ESR1: variants seen among roughly 807,000 people sequenced by gnomAD.
ESR1 encodes the protein estrogen receptor.
In ESR1, 12 loss-of-function variants were observed where a neutral mutation model predicts 52.7. The observed-to-expected ratio is 0.23, with a 90% CI of 0.15 to 0.37. The LOEUF (loss-of-function observed/expected upper bound fraction) is 0.37, where lower values mean the gene tolerates loss of function less well. Ranked by LOEUF, ESR1 falls within the 10% of genes least tolerant of loss-of-function variation. The pLI is 1.00. For synonymous variants in ESR1, 305 were observed against 316.8 expected, an observed-to-expected ratio of 0.96 and a Z score of 0.39; for missense variants, 584 against 779.7, an observed-to-expected ratio of 0.75 and a Z score of 2.99.
At chr6:151,729,020 C>A (rs1259111704) in intron 2 of ESR1, among the ~76,000 whole-genome samples, 1 of 152,208 alleles carries the variant, frequency 6.6e-6, no homozygotes. Flanking sequence ...CCACTGTGCT[C>A]TCCTTTTGGT....
chr6:151,893,877 G>C (rs1310813990), intron 3 of ESR1, among the ~76,000 whole-genome samples: 1 of 152,202 alleles, frequency 6.6e-6, no homozygotes, highest in Non-Finnish European at 1.5e-5. Flanking sequence ...CTTAAGCAGA[G>C]AAGTGACTTT....
chr6:151,731,282 G>A (rs1048402068), intron 2 of ESR1, among the ~76,000 whole-genome samples: 2 of 152,076 alleles, frequency 1.3e-5, no homozygotes, highest in Non-Finnish European at 2.9e-5. Context: ...CTTGAACTCC[G>A]GAGGTGGAGG....
intron 1 of ESR1, among the ~76,000 whole-genome samples, chr6:151,678,732 G>A (rs1379344690): frequency 6.6e-6 from 1 of 151,442 alleles, no homozygotes; most frequent in African/African-American, 2.4e-5. Flanking sequence ...CGTTGCCTGG[G>A]CTGGAGTACA....
At chr6:152,106,516 G>A (rs532888458), downstream of ESR1, among the ~76,000 whole-genome samples, 9 of 152,220 alleles carry the variant, frequency 5.9e-5, no homozygotes, top group Non-Finnish European at 7.4e-5. Flanking sequence ...TTTGAAGCGC[G>A]GTTTGTAGTT....
chr6:152,041,656 G>T (rs1233739535), intron 5 of ESR1, among the ~76,000 whole-genome samples: 1 of 152,192 alleles, frequency 6.6e-6, no homozygotes, highest in East Asian at 1.9e-4. Context: ...GATCCAATCA[G>T]CATAATGTCA....
chr6:151,872,547 C>T (rs898567538), intron 2 of ESR1, among the ~76,000 whole-genome samples: 1 of 152,160 alleles, frequency 6.6e-6, no homozygotes, highest in African/African-American at 2.4e-5. Flanking sequence ...TGTTTTATGA[C>T]AATCATACAT....
At chr6:151,959,665 C>G (rs1562598235) in intron 4 of ESR1, among the ~76,000 whole-genome samples, 1 of 151,922 alleles carries the variant, frequency 6.6e-6, no homozygotes, top group African/African-American at 2.4e-5. Flanking sequence ...ACCCAGGAAG[C>G]CTGACACATT....
chr6:151,713,927 A>G (rs1780823148), intron 2 of ESR1, among the ~76,000 whole-genome samples: 3 of 151,656 alleles, frequency 2.0e-5, no homozygotes, highest in African/African-American at 7.3e-5. Context: ...TTTAATTGTG[A>G]TGTTAGGGTG....
intron 2 of ESR1, among the ~76,000 whole-genome samples, chr6:151,786,870 C>T (rs1787079785): frequency 6.6e-6 from 1 of 152,128 alleles, no homozygotes. Context: ...AGTGCAGTGG[C>T]ACGATTTTGG....
chr6:151,780,320 C>T (rs1007263020), intron 2 of ESR1, among the ~76,000 whole-genome samples: 26 of 151,846 alleles, frequency 1.7e-4, no homozygotes, highest in African/African-American at 6.0e-4. Context: ...AACGAACCTG[C>T]ACATTCTGCA....
chr6:152,014,313 G>T (rs571548075), intron 5 of ESR1, among the ~76,000 whole-genome samples: 2 of 152,216 alleles, frequency 1.3e-5, no homozygotes, highest in Admixed American at 6.5e-5. Context: ...CCAGCTAGCT[G>T]CCAGTAGCAA....
chr6:151,788,883 G>A (rs1198789008), intron 2 of ESR1, among the ~76,000 whole-genome samples: 1 of 152,154 alleles, frequency 6.6e-6, no homozygotes, highest in East Asian at 1.9e-4. Flanking sequence ...GTTCTCACTT[G>A]TAAGTGGGAG....
chr6:151,801,989 C>G (rs1777296017), upstream of ESR1, among the ~76,000 whole-genome samples: 1 of 152,064 alleles, frequency 6.6e-6, no homozygotes, highest in Non-Finnish European at 1.5e-5. Context: ...ACAATGGTTG[C>G]CTAGAGGGGT....
intron 3 of ESR1, among the ~76,000 whole-genome samples, chr6:151,940,345 T>C (rs144978028): frequency 1.3e-5 from 2 of 152,330 alleles, no homozygotes; most frequent in African/African-American, 4.8e-5. Flanking sequence ...AGCCAAACCA[T>C]ATCAGTACAT....
In ESR1 at chr6:152,094,691, G is replaced by C. The variant is rs929792066; in HGVS notation, c.1553+123G>C. 1 of 883,808 alleles carries C rather than the reference G, an allele frequency of 1.1e-6. No homozygotes were observed. The highest frequency in any genetic ancestry group is 1.7e-5 in the African/African-American group (1 of 60,450). The allele number at this position is 883,808 out of a possible 1,614,324, so 54.7% of individuals were successfully genotyped here. A position where few individuals can be genotyped will look rare whatever the true frequency, so the allele number is the denominator to read the frequency against. On this transcript the variant is annotated intron_variant, in intron 7 of 7. Coordinates refer to ENST00000206249, the MANE Select transcript of ESR1 (RefSeq NM_000125.4). This position sits in a 1 kb window ranked among gnomAD's most constrained non-coding sequence, Gnocchi z 4.6. ...GAGAGTGCACTTGTGACAGTTCCTGGCATAGAATAAGCATAAATGCTATAG... is the reference window on the plus strand; with the variant it reads ...GAGAGTGCACTTGTGACAGTTCCTGCCATAGAATAAGCATAAATGCTATAG...
Position 152,100,556 on chromosome 6 carries a change from T to C in ESR1, c.*1590T>C, listed in dbSNP as rs2050931731. On this transcript the variant is annotated 3_prime_UTR_variant, in exon 8 of 8. Coordinates refer to ENST00000206249, the MANE Select transcript of ESR1 (RefSeq NM_000125.4). ...TTGCTTCTCTAGCACAATTATGGGT[T>C]ACTTCCTTTTTCTTAACAAAAAAGA... 4.3e-6 allele frequency: 1 copy of C among 233,410 alleles called. No individual in the cohort carries two copies. Among genetic ancestry groups the C allele is most frequent in the Non-Finnish European group, 8.5e-6 (1 of 118,202 alleles). 14.5% of individuals were successfully genotyped at this position (233,410 alleles called of 1,614,324 possible). A position where few individuals can be genotyped will look rare whatever the true frequency, so the allele number is the denominator to read the frequency against.
chr6:151,904,098 C>T (rs9322342), intron 3 of ESR1, among the ~76,000 whole-genome samples: 17,760 of 152,092 alleles, frequency 0.12, 2,060 homozygotes, highest in African/African-American at 0.29. Flanking sequence ...GAAGTAATAT[C>T]ACAACCATAA....
chr6:152,059,894 T>C (rs2047412078), intron 5 of ESR1, among the ~76,000 whole-genome samples: 1 of 152,166 alleles, frequency 6.6e-6, no homozygotes, highest in African/African-American at 2.4e-5. Context: ...CAAAAAAAGT[T>C]GATGGAGAAC....
chr6:152,063,161 A>G (rs564556153), intron 6 of ESR1, among the ~76,000 whole-genome samples: 126 of 152,160 alleles, frequency 8.3e-4, no homozygotes, highest in Admixed American at 6.1e-3. Context: ...TTCATACTCC[A>G]TCCTTGTTCC....
Sources: gnomAD v4.1 joint callset for allele counts (sites outside exome capture counted in the v4.1 genomes callset) on GRCh38, gnomAD v4.1.1 for gene constraint, Gnocchi (gnomAD v3.1) non-coding constraint, MANE v1.5 for transcripts, NCBI Gene and HGNC (gene_info 2026-07-23, HGNC 2026-07-21) for gene names.